Variants in VCPIP1 observed in about 807,000 individuals in gnomAD.
VCPIP1 encodes the protein deubiquitinating protein VCPIP1.
Under a neutral mutation model 85.0 loss-of-function variants are expected in VCPIP1, and 8 were observed. The observed-to-expected ratio is 0.09, with a 90% CI of 0.06 to 0.17. The LOEUF (loss-of-function observed/expected upper bound fraction) is 0.17, where lower values mean the gene tolerates loss of function less well. Among genes scored for constraint, VCPIP1 ranks in the 10% least tolerant of loss-of-function variants. The pLI, the probability that VCPIP1 is intolerant of heterozygous loss-of-function variation, is 1.00. For missense variants in VCPIP1, 1,070 were observed against 1,486.3 expected, an observed-to-expected ratio of 0.72 and a Z score of 4.61; for synonymous variants, 543 against 544.5, an observed-to-expected ratio of 1.00 and a Z score of 0.04.
At position 66,630,571 on chromosome 8, in the gene VCPIP1, A is replaced by G. The variant is rs113898892; in HGVS notation, c.*3930T>C. 963 of 152,726 alleles carry G rather than the reference A, an allele frequency of 6.3e-3. 7 individuals are homozygous for G. The highest frequency in any genetic ancestry group is 6.5e-3 in the Non-Finnish European group (445 of 68,018). 9.5% of individuals were successfully genotyped at this position (152,726 alleles called of 1,614,324 possible). On this transcript the variant is annotated 3_prime_UTR_variant, in exon 3 of 3. Transcript: ENST00000310421. ...TACTCACAAGCAGGTAACATCAACTAAAACTTTTTTCTTTACTAATTTTTC... is the reference window on the plus strand; with the variant it reads ...TACTCACAAGCAGGTAACATCAACTGAAACTTTTTTCTTTACTAATTTTTC...
chr8:66,635,348 G>C lies in VCPIP1; in HGVS notation c.2822C>G (p.Thr941Ser). Reference protein sequence around the residue: ...TMGMADGKHCTFPHLPGKTFV... With the variant: ...TMGMADGKHCSFPHLPGKTFV... The stretch of plus-strand genomic sequence containing the variant: ...GGTTTTGCCAGGCAGATGTGGAAAA[G>C]TACAATGCTTGCCATCAGCCATACC... The change falls in exon 3 of 3, where the codon ACT (threonine) becomes AGT (serine). Residue 941 changes from threonine (T) to serine (S), a missense_variant. By Grantham distance (58) the Thr-to-Ser change is moderately conservative. Around this residue, in one of 8 missense-constraint regions of VCPIP1, gnomAD observed 46 missense variants for 95.2 expected, o/e 0.48. Coordinates refer to ENST00000310421, the MANE Select transcript of VCPIP1 (RefSeq NM_025054.5). 6.2e-7 allele frequency: 1 copy of C among 1,612,674 alleles called. No individual in the cohort carries two copies. Among genetic ancestry groups the C allele is most frequent in the East Asian group, 2.2e-5 (1 of 44,886 alleles).
chr8:66,634,949 G>T lies in VCPIP1; in HGVS notation c.3221C>A (p.Ala1074Asp). 6.2e-7 allele frequency: 1 copy of T among 1,613,500 alleles called. No individual in the cohort carries two copies. The highest frequency in any genetic ancestry group is 8.5e-7 in the Non-Finnish European group (1 of 1,179,582). ...STKTEPSVFT[A>D]SSSNSELIRI... ...AATAAGCTCACTATTACTAGAAGAA[G>T]CTGTGAATACAGAAGGCTCTGTTTT... is the stretch of plus-strand genomic sequence containing the variant. The change falls in exon 3 of 3, where the codon GCT becomes GAT. Residue 1074 changes from alanine (A) to aspartate (D), a missense_variant. Transcript: ENST00000310421.
At chr8:66,637,326 G>C (rs1248664394) in intron 2 of VCPIP1, among the ~76,000 whole-genome samples, 1 of 151,680 alleles carries the variant, frequency 6.6e-6, no homozygotes, top group Non-Finnish European at 1.5e-5. Flanking sequence ...CTCCAACATG[G>C]GTGATAGCAA....
chr8:66,661,353 G>A (rs1274437039), intron 1 of VCPIP1, among the ~76,000 whole-genome samples: 2 of 152,104 alleles, frequency 1.3e-5, no homozygotes, highest in Non-Finnish European at 2.9e-5. Context: ...CATACTCTAG[G>A]TTCTCTCAGA....
At chr8:66,645,237 G>A (rs992863993) in intron 2 of VCPIP1, among the ~76,000 whole-genome samples, 3 of 151,754 alleles carry the variant, frequency 2.0e-5, no homozygotes, top group African/African-American at 7.3e-5. Flanking sequence ...GGCCGACATA[G>A]TGAAACCCCG....
intron 1 of VCPIP1, among the ~76,000 whole-genome samples, chr8:66,655,632 GCTA>G (rs1479935430): frequency 2.0e-5 from 3 of 152,048 alleles, no homozygotes; most frequent in Non-Finnish European, 4.4e-5. Context: ...ATGATTATAT[GCTA>G]CTGACTTTTC....
intron 1 of VCPIP1, among the ~76,000 whole-genome samples, chr8:66,663,651 T>C (rs963617360): frequency 6.6e-6 from 1 of 152,224 alleles, no homozygotes; most frequent in Non-Finnish European, 1.5e-5. Context: ...CTACAACTTA[T>C]AACAGTTCAT....
chr8:66,647,255 G>C (rs1319692004), intron 2 of VCPIP1, among the ~76,000 whole-genome samples: 2 of 149,700 alleles, frequency 1.3e-5, no homozygotes, highest in African/African-American at 4.9e-5. Context: ...GCAGGAGAAT[G>C]GCTTGAATCT....
intron 2 of VCPIP1, among the ~76,000 whole-genome samples, chr8:66,645,994 A>G (rs1485555493): frequency 6.6e-6 from 1 of 152,104 alleles, no homozygotes; most frequent in Non-Finnish European, 1.5e-5. Context: ...CAAGATATCA[A>G]CTGTCCCCAA....
rs767530211 is a variant in VCPIP1, at chr8:66,665,822, A to G, written c.1137T>C (p.Gly379=). The change falls in exon 1 of 3, where the codon GGT becomes GGC. Residue 379 remains glycine (G), a synonymous_variant. Coordinates refer to ENST00000310421, the MANE Select transcript of VCPIP1 (RefSeq NM_025054.5). This position sits in a 1 kb window ranked among gnomAD's most constrained non-coding sequence, Gnocchi z 4.3. The part of the protein sequence containing the change: ...LPMNLLPKAW[G]VPQDLIKKYI... Reference sequence around the variant, plus strand: ...ACTTTTTAATAAGGTCCTGAGGCACACCCCATGCTTTAGGAAGCAAATTCA... The same window carrying G: ...ACTTTTTAATAAGGTCCTGAGGCACGCCCCATGCTTTAGGAAGCAAATTCA... The G allele has an allele frequency of 1.2e-6, 2 of 1,614,204 alleles. No homozygotes were observed. The highest frequency in any genetic ancestry group is 1.7e-6 in the Non-Finnish European group (2 of 1,180,042).
At chr8:66,643,884 C>CAAAAAAAAAAAA (rs35921029) in intron 2 of VCPIP1, among the ~76,000 whole-genome samples, 2 of 70,512 alleles carry the variant, frequency 2.8e-5, no homozygotes, top group African/African-American at 4.4e-5. Flanking sequence ...AATGGACAGC[C>CAAAAAAAAAAAA]AAAAAAAAAA....
rs1437947315 is a variant in VCPIP1, at chr8:66,632,194, T to C, written c.*2307A>G. ...CATGTATTTGGTTATGAAAACCATA[T>C]GGAAAGACAAAGGATGATATTTAAA... is the stretch of plus-strand genomic sequence containing the variant. On this transcript the variant is annotated 3_prime_UTR_variant, in exon 3 of 3. Coordinates refer to ENST00000310421, the MANE Select transcript of VCPIP1 (RefSeq NM_025054.5). 3 of 151,878 alleles carry C rather than the reference T, an allele frequency of 2.0e-5. No homozygotes were observed. Among genetic ancestry groups the C allele is most frequent in the Non-Finnish European group, 4.4e-5 (3 of 67,920 alleles). The allele number at this position is 151,878 out of a possible 1,614,324, so 9.4% of individuals were successfully genotyped here.
intron 1 of VCPIP1, among the ~76,000 whole-genome samples, chr8:66,663,289 T>C (rs926322877): frequency 1.3e-5 from 2 of 152,126 alleles, no homozygotes; most frequent in African/African-American, 4.8e-5. Context: ...TTCATTTTGA[T>C]AGATTAAGGC....
chr8:66,638,970 C>CTATATATATATATA (rs1554584185), intron 2 of VCPIP1, among the ~76,000 whole-genome samples: 18 of 118,418 alleles, frequency 1.5e-4, no homozygotes, highest in African/African-American at 5.5e-4. Context: ...CTCTCTCTCT[C>CTATATATATATATA]TATATATATA....
At chr8:66,648,909 G>A (rs988948958) in intron 2 of VCPIP1, among the ~76,000 whole-genome samples, 6 of 152,090 alleles carry the variant, frequency 3.9e-5, no homozygotes, top group Admixed American at 2.6e-4. Flanking sequence ...ACGTGTAATC[G>A]CACACTTTGG....
chr8:66,631,296 T>C lies in VCPIP1; in HGVS notation c.*3205A>G, dbSNP rs904335746. 6 of 152,668 alleles carry C rather than the reference T, an allele frequency of 3.9e-5. No homozygotes were observed. Among genetic ancestry groups the C allele is most frequent in the South Asian group, 2.1e-4 (1 of 4,834 alleles). 9.5% of individuals were successfully genotyped at this position (152,668 alleles called of 1,614,324 possible). On this transcript the variant is annotated 3_prime_UTR_variant, in exon 3 of 3. Transcript: ENST00000310421. ...TATTGACCAGTTGAAGTGTAATTAA[T>C]GACAGAAGTAAATTTTTTACCTAAA...
chr8:66,665,066 G>C lies in VCPIP1; in HGVS notation c.1893C>G (p.Thr631=), dbSNP rs1187553392. 1 of 1,613,832 alleles carries C rather than the reference G, an allele frequency of 6.2e-7. No homozygotes were observed. Among genetic ancestry groups the C allele is most frequent in the Non-Finnish European group, 8.5e-7 (1 of 1,179,932 alleles). The change falls in exon 1 of 3, where the codon ACC becomes ACG. Residue 631 remains threonine (T), a synonymous_variant. Coordinates refer to ENST00000310421, the MANE Select transcript of VCPIP1 (RefSeq NM_025054.5). The surrounding 1 kb of genome is among the most constrained non-coding windows in gnomAD (Gnocchi z 4.3). ...NVYDVAMKLV[T]KHFPGEFGSE... ...TCCCAAATTCACCTGGAAAGTGCTT[G>C]GTAACAAGTTTCATTGCAACATCGT...
rs929268716 is a variant in VCPIP1, at chr8:66,635,349, T to A, written c.2821A>T (p.Thr941Ser). 2 of 1,612,610 alleles carry A rather than the reference T, an allele frequency of 1.2e-6. No individual in the cohort carries two copies. The highest frequency in any genetic ancestry group is 1.7e-6 in the Non-Finnish European group (2 of 1,179,462). Residue 941 changes from threonine (T) to serine (S), a missense_variant, in exon 3 of 3, where the codon ACT becomes TCT. Thr to Ser is a moderately conservative substitution (Grantham distance 58). This residue lies in a region of VCPIP1 where 46 missense variants were observed against 95.2 expected (regional missense o/e 0.48). Transcript: ENST00000310421. ...TMGMADGKHC[T>S]FPHLPGKTFV... ...GTTTTGCCAGGCAGATGTGGAAAAG[T>A]ACAATGCTTGCCATCAGCCATACCT...
intron 2 of VCPIP1, among the ~76,000 whole-genome samples, chr8:66,640,664 C>G (rs1025707671): frequency 6.6e-6 from 1 of 152,140 alleles, no homozygotes; most frequent in Admixed American, 6.5e-5. Flanking sequence ...AGAGAAGAAA[C>G]AGCTGGATGT....
Sources: allele counts gnomAD v4.1 joint callset (sites outside exome capture counted in the v4.1 genomes callset), GRCh38; gene constraint gnomAD v4.1.1; regional missense constraint gnomAD v4.1.1; non-coding constraint Gnocchi (gnomAD v3.1); transcripts MANE v1.5; gene names NCBI Gene and HGNC (gene_info 2026-07-23, HGNC 2026-07-21).